The following CUX2 variants were observed in gnomAD, a reference collection of about 807,000 sequenced individuals.
The protein encoded by CUX2 is homeobox protein cut-like 2.
In CUX2, 40 loss-of-function variants were observed where a neutral mutation model predicts 144.8. That is an observed-to-expected ratio of 0.28 (90% CI 0.21 to 0.36). The LOEUF is 0.36. Ranked by LOEUF, CUX2 falls within the 10% of genes least tolerant of loss-of-function variation. The pLI is 1.00. For missense variants in CUX2, 1,615 were observed against 1,994.0 expected (o/e 0.81, Z 3.62); for synonymous variants, 827 against 875.6 (o/e 0.94, Z 0.98).
rs528977909 is a variant in CUX2 at position 111,049,080 on chromosome 12, T to C, written c.63+14840T>C. ...TGTACTTCCCCATTTCTTACTGATCTTAACTATCCATCCATCTGTCCACTC... is the reference window on the plus strand; with the variant it reads ...TGTACTTCCCCATTTCTTACTGATCCTAACTATCCATCCATCTGTCCACTC... On this transcript the variant is annotated intron_variant, in intron 1 of 21. Coordinates refer to ENST00000261726, the MANE Select transcript of CUX2 (RefSeq NM_015267.4). Among the ~76,000 whole-genome samples the C allele has an allele frequency of 5.9e-5, 9 of 152,226 alleles. No individual in the cohort carries two copies. The South Asian group carries it at 8.3e-4, about 14-fold the overall frequency.
intron 3 of CUX2, among the ~76,000 whole-genome samples, chr12:111,247,395 T>A (rs936388997): frequency 6.6e-6 from 1 of 152,210 alleles, no homozygotes; most frequent in Non-Finnish European, 1.5e-5. Flanking sequence ...GGCAGCCGCC[T>A]TTCCAGAAAG....
At chr12:111,227,222 C>T (rs140252256) in intron 3 of CUX2, among the ~76,000 whole-genome samples, 1 of 152,128 alleles carries the variant, frequency 6.6e-6, no homozygotes, top group Non-Finnish European at 1.5e-5. Context: ...ATTTGAGTAC[C>T]GACTGGGTGT....
rs1313241643 is a variant in CUX2, at chr12:111,077,305, C to T, written c.63+43065C>T. Among the ~76,000 whole-genome samples the T allele has an allele frequency of 6.6e-6, 1 of 152,094 alleles. No individual in the cohort carries two copies. Among genetic ancestry groups the T allele is most frequent in the South Asian group, 2.1e-4 (1 of 4,804 alleles). On this transcript the variant is annotated intron_variant, in intron 1 of 21. Transcript: ENST00000261726. The surrounding 1 kb of genome is among the most constrained non-coding windows in gnomAD (Gnocchi z 4.1). Reference sequence around the variant, plus strand: ...AAACGCGCAGCCGTGTGGCAGGGCCCGGGAAGACGTGGGTAATGTATTCAC... The same window carrying T: ...AAACGCGCAGCCGTGTGGCAGGGCCTGGGAAGACGTGGGTAATGTATTCAC...
chr12:111,093,759 C>T (rs981858676), intron 1 of CUX2, among the ~76,000 whole-genome samples: 1 of 152,230 alleles, frequency 6.6e-6, no homozygotes, highest in Non-Finnish European at 1.5e-5. Flanking sequence ...CCCTGAAACC[C>T]TCTATCTTCT....
intron 1 of CUX2, among the ~76,000 whole-genome samples, chr12:111,075,164 A>G (rs1871460698): frequency 6.7e-6 from 1 of 149,628 alleles, no homozygotes; most frequent in Non-Finnish European, 1.5e-5. Flanking sequence ...TGGAGGGCAG[A>G]TCTGATTTCT....
chr12:111,256,236 C>T (rs1432863221), intron 3 of CUX2, among the ~76,000 whole-genome samples: 1 of 152,126 alleles, frequency 6.6e-6, no homozygotes, highest in Non-Finnish European at 1.5e-5. Context: ...GAGCCCCCCT[C>T]GTACTCTTGC....
chr12:111,175,817 AAAGT>A (rs1247914904), intron 1 of CUX2, among the ~76,000 whole-genome samples: 5 of 152,090 alleles, frequency 3.3e-5, no homozygotes, highest in African/African-American at 7.2e-5. Context: ...TTAAAAAAAA[AAAGT>A]AAGCGGGGAT....
At chr12:111,054,624 A>G (rs1407933447) in intron 1 of CUX2, among the ~76,000 whole-genome samples, 4 of 152,024 alleles carry the variant, frequency 2.6e-5, no homozygotes, top group African/African-American at 9.7e-5. Context: ...TCACAATTCT[A>G]TGCTGTAGAC....
chr12:111,245,829 G>A (rs564094202), intron 3 of CUX2, among the ~76,000 whole-genome samples: 1 of 152,186 alleles, frequency 6.6e-6, no homozygotes, highest in Admixed American at 6.5e-5. Context: ...AGTAGGACCA[G>A]GGTGGCGTTT....
intron 4 of CUX2, among the ~76,000 whole-genome samples, chr12:111,279,549 G>A (rs1885024233): frequency 6.6e-6 from 1 of 152,192 alleles, no homozygotes; most frequent in Admixed American, 6.5e-5. Flanking sequence ...GAGGCCAGGT[G>A]TGGTGGCTCA....
At chr12:111,208,574 T>G (rs1163617309) in intron 1 of CUX2, among the ~76,000 whole-genome samples, 2 of 152,176 alleles carry the variant, frequency 1.3e-5, no homozygotes, top group African/African-American at 4.8e-5. Flanking sequence ...TAACTATGTG[T>G]GATGTGGGTG....
chr12:111,254,851 CT>C (rs111442805), intron 3 of CUX2, among the ~76,000 whole-genome samples: 2 of 151,364 alleles, frequency 1.3e-5, no homozygotes, highest in African/African-American at 2.4e-5. Flanking sequence ...GCCAAGCAGT[CT>C]TTTTTTTTCC....
intron 1 of CUX2, among the ~76,000 whole-genome samples, chr12:111,137,999 GA>G (rs1876027079): frequency 6.6e-6 from 1 of 152,224 alleles, no homozygotes; most frequent in Non-Finnish European, 1.5e-5. Flanking sequence ...TGGGCATCTG[GA>G]AAGAGACCGT....
intron 14 of CUX2, among the ~76,000 whole-genome samples, chr12:111,308,929 G>A (rs1211295831): frequency 4.6e-5 from 7 of 152,090 alleles, no homozygotes; most frequent in Non-Finnish European, 7.4e-5. Flanking sequence ...TTTTGAGACC[G>A]AGTCTCTCTC....
chr12:111,143,427 A>G (rs569742416), intron 1 of CUX2, among the ~76,000 whole-genome samples: 1 of 152,316 alleles, frequency 6.6e-6, no homozygotes, highest in East Asian at 1.9e-4. Context: ...CCACGTTGTC[A>G]TGGCTACACA....
intron 1 of CUX2, among the ~76,000 whole-genome samples, chr12:111,189,502 A>G (rs1267362649): frequency 1.3e-5 from 2 of 152,168 alleles, no homozygotes; most frequent in Non-Finnish European, 2.9e-5. Flanking sequence ...AGATTTATCA[A>G]TATTGTTTGT....
intron 17 of CUX2, among the ~76,000 whole-genome samples, chr12:111,321,917 G>C (rs984045132): frequency 6.6e-6 from 1 of 151,944 alleles, no homozygotes; most frequent in African/African-American, 2.4e-5. Flanking sequence ...ATTTTTACAT[G>C]TAGGGACATT....
At chr12:111,173,789 C>T (rs893206083) in intron 1 of CUX2, among the ~76,000 whole-genome samples, 1 of 152,182 alleles carries the variant, frequency 6.6e-6, no homozygotes, top group Non-Finnish European at 1.5e-5. Context: ...CAGGCTCTAC[C>T]CTCAGAGTTT....
chr12:111,056,445 T>A (rs931250754), intron 1 of CUX2, among the ~76,000 whole-genome samples: 1 of 152,250 alleles, frequency 6.6e-6, no homozygotes, highest in Non-Finnish European at 1.5e-5. Flanking sequence ...TGATGCTGGC[T>A]GTTGGCTGGA....
Sources: gnomAD v4.1 joint callset for allele counts (sites outside exome capture counted in the v4.1 genomes callset) on GRCh38, gnomAD v4.1.1 for gene constraint, Gnocchi (gnomAD v3.1) non-coding constraint, MANE v1.5 for transcripts, NCBI Gene and HGNC (gene_info 2026-07-23, HGNC 2026-07-21) for gene names.